Variants in COX7B2 observed in about 807,000 individuals in gnomAD.
COX7B2 encodes cytochrome c oxidase subunit 7B2, also known as cytochrome c oxidase subunit 7B2, mitochondrial.
For missense variants in COX7B2, 109 were observed against 95.9 expected (o/e 1.14, Z -0.57); for synonymous variants, 37 against 32.1 (o/e 1.15, Z -0.51).
At chr4:46,870,532 G>C (rs957168668) in intron 1 of COX7B2, among the ~76,000 whole-genome samples, 4 of 152,076 alleles carry the variant, frequency 2.6e-5, no homozygotes, top group Admixed American at 2.6e-4. Flanking sequence ...ACGAAGAGAG[G>C]AAGTCAAACT....
At chr4:46,757,361 A>G (rs1047913833) in intron 2 of COX7B2, among the ~76,000 whole-genome samples, 7 of 152,072 alleles carry the variant, frequency 4.6e-5, no homozygotes, top group African/African-American at 1.7e-4. Context: ...ACTGGTTACA[A>G]TGTTCACTAT....
rs139510083 is a variant in COX7B2 at position 46,848,526 on chromosome 4, T to C, written c.-104-3512A>G. 2.3e-3 allele frequency among the ~76,000 whole-genome samples: 348 copies of C among 152,200 alleles called. 3 individuals carry two copies. The highest frequency in any genetic ancestry group is 8.1e-3 in the African/African-American group (337 of 41,556). On this transcript the variant is annotated intron_variant, in intron 1 of 2. Coordinates refer to ENST00000355591, the MANE Select transcript of COX7B2 (RefSeq NM_130902.3). The stretch of plus-strand genomic sequence containing the variant: ...CCCTAATGTGATTAGTATTCAGCTT[T>C]AATCTATATTTATCTATAGGGAGCA...
chr4:46,791,224 T>A (rs1485610981), intron 2 of COX7B2, among the ~76,000 whole-genome samples: 2 of 151,728 alleles, frequency 1.3e-5, no homozygotes, highest in Non-Finnish European at 2.9e-5. Flanking sequence ...TTAGCCAGGA[T>A]GGTCTCCATC....
At chr4:46,907,683 C>G (rs1720474194) in intron 1 of COX7B2, among the ~76,000 whole-genome samples, 1 of 151,098 alleles carries the variant, frequency 6.6e-6, no homozygotes, top group Admixed American at 6.6e-5. Flanking sequence ...GACCAGAGTA[C>G]ACAGAATTGT....
chr4:46,769,145 T>TA (rs1176175994), intron 2 of COX7B2, among the ~76,000 whole-genome samples: 1 of 151,960 alleles, frequency 6.6e-6, no homozygotes, highest in Non-Finnish European at 1.5e-5. Flanking sequence ...AAAATTTTTT[T>TA]AAAAAAGAAT....
At chr4:46,878,484 TA>T (rs1371384457) in intron 1 of COX7B2, among the ~76,000 whole-genome samples, 2 of 67,672 alleles carry the variant, frequency 3.0e-5, no homozygotes, top group Non-Finnish European at 7.2e-5. Flanking sequence ...TTAGCACTAT[TA>T]TATATATATA....
At chr4:46,803,628 T>A (rs1354918683) in intron 2 of COX7B2, among the ~76,000 whole-genome samples, 1 of 152,150 alleles carries the variant, frequency 6.6e-6, no homozygotes, top group Non-Finnish European at 1.5e-5. Flanking sequence ...ACATGGCACA[T>A]GTCTTCCTTC....
intron 2 of COX7B2, among the ~76,000 whole-genome samples, chr4:46,739,329 C>G (rs1714562170): frequency 1.3e-5 from 2 of 151,608 alleles, no homozygotes; most frequent in Admixed American, 1.3e-4. Context: ...AATGATCAAA[C>G]AAACCAAACC....
At chr4:46,787,386 G>A (rs1043552222) in intron 2 of COX7B2, among the ~76,000 whole-genome samples, 39 of 152,040 alleles carry the variant, frequency 2.6e-4, no homozygotes, top group African/African-American at 8.9e-4. Flanking sequence ...GGCAGAAGTT[G>A]CAATGAGCCG....
intron 2 of COX7B2, among the ~76,000 whole-genome samples, chr4:46,828,895 A>G (rs942735741): frequency 6.6e-6 from 1 of 152,176 alleles, no homozygotes; most frequent in African/African-American, 2.4e-5. Flanking sequence ...GTGCAGATTG[A>G]TAACAGCGAA....
In COX7B2 at chr4:46,777,443, G is replaced by A. The variant is rs192286173; in HGVS notation, c.-49-42202C>T. Among the ~76,000 whole-genome samples the A allele has an allele frequency of 1.2e-3, 187 of 152,054 alleles. 1 individual carries two copies. Among genetic ancestry groups the A allele is most frequent in the African/African-American group, 4.3e-3 (177 of 41,496 alleles). On this transcript the variant is annotated intron_variant, in intron 2 of 2. Coordinates refer to ENST00000355591, the MANE Select transcript of COX7B2 (RefSeq NM_130902.3). Reference sequence around the variant, plus strand: ...GAGGAGAGAGTGAGTGTTAAATAATGGAAAAATAATAGCATGTATGCCCTC... The same window carrying A: ...GAGGAGAGAGTGAGTGTTAAATAATAGAAAAATAATAGCATGTATGCCCTC...
intron 1 of COX7B2, among the ~76,000 whole-genome samples, chr4:46,881,423 A>C (rs1718733604): frequency 6.6e-6 from 1 of 152,196 alleles, no homozygotes; most frequent in African/African-American, 2.4e-5. Context: ...AAAGGATACA[A>C]ATCAGATATG....
intron 2 of COX7B2, among the ~76,000 whole-genome samples, chr4:46,821,483 G>A (rs1482348631): frequency 6.6e-6 from 1 of 152,094 alleles, no homozygotes; most frequent in African/African-American, 2.4e-5. Flanking sequence ...ATGCAGCAGT[G>A]TGTTCAGTGA....
At chr4:46,887,664 T>C (rs1338296546) in intron 1 of COX7B2, among the ~76,000 whole-genome samples, 1 of 149,196 alleles carries the variant, frequency 6.7e-6, no homozygotes, top group Non-Finnish European at 1.5e-5. Context: ...TGAGCTGAGA[T>C]TGTGCAACTG....
chr4:46,766,032 C>T (rs1415219583), intron 2 of COX7B2, among the ~76,000 whole-genome samples: 1 of 152,150 alleles, frequency 6.6e-6, no homozygotes. Context: ...TGGACACAGG[C>T]TCCAGGCATA....
chr4:46,797,092 TAAAAAAA>T (rs762801656), intron 2 of COX7B2, among the ~76,000 whole-genome samples: 5 of 62,558 alleles, frequency 8.0e-5, no homozygotes, highest in Non-Finnish European at 1.3e-4. Flanking sequence ...TAGAGTATAA[TAAAAAAA>T]AAAAAAAAAA....
chr4:46,783,766 G>C (rs1717605141), intron 2 of COX7B2, among the ~76,000 whole-genome samples: 1 of 152,146 alleles, frequency 6.6e-6, no homozygotes, highest in African/African-American at 2.4e-5. Context: ...AAAGGAAAGG[G>C]AAGAAAGAAG....
At chr4:46,886,853 A>G (rs1374955758) in intron 1 of COX7B2, among the ~76,000 whole-genome samples, 1 of 152,230 alleles carries the variant, frequency 6.6e-6, no homozygotes, top group Non-Finnish European at 1.5e-5. Flanking sequence ...ATGCCTTTTC[A>G]CAGATTTAAG....
intron 1 of COX7B2, among the ~76,000 whole-genome samples, chr4:46,847,823 T>A (rs1356299299): frequency 6.6e-6 from 1 of 151,932 alleles, no homozygotes; most frequent in Non-Finnish European, 1.5e-5. Flanking sequence ...GAAAATTGAA[T>A]CTTCTAGAAG....
Sources: gnomAD v4.1 joint callset for allele counts (sites outside exome capture counted in the v4.1 genomes callset) on GRCh38, gnomAD v4.1.1 for gene constraint, MANE v1.5 for transcripts, NCBI Gene and HGNC (gene_info 2026-07-23, HGNC 2026-07-21) for gene names.